Variants in RAB28 observed in about 807,000 individuals in gnomAD.
RAB28 encodes the protein ras-related protein Rab-28.
Under a neutral mutation model 31.7 loss-of-function variants are expected in RAB28, and 24 were observed. The observed-to-expected ratio is 0.76, with a 90% confidence interval of 0.55 to 1.06. The LOEUF is 1.06. RAB28 is among the 50% of genes least tolerant of loss of function. The probability of loss-of-function intolerance (pLI) is 0.00; values close to 1 mark genes in which losing one functional copy is unlikely to be tolerated. For synonymous variants in RAB28, 100 were observed against 90.4 expected, an observed-to-expected ratio of 1.11 and a Z score of -0.60; for missense variants, 254 against 258.5, an observed-to-expected ratio of 0.98 and a Z score of 0.12.
At chr4:13,408,984 T>C (rs1462732114) in intron 4 of RAB28, among the ~76,000 whole-genome samples, 1 of 152,216 alleles carries the variant, frequency 6.6e-6, no homozygotes, top group East Asian at 1.9e-4. Context: ...ATGAAGTTAT[T>C]CCACAAATAT....
At chr4:13,385,569 A>C (rs1729332606) in intron 4 of RAB28, among the ~76,000 whole-genome samples, 1 of 152,230 alleles carries the variant, frequency 6.6e-6, no homozygotes, top group Non-Finnish European at 1.5e-5. Context: ...ATTCCAGCCC[A>C]GAATTTCATA....
chr4:13,411,192 T>A (rs781572910), intron 4 of RAB28, among the ~76,000 whole-genome samples: 2 of 152,078 alleles, frequency 1.3e-5, no homozygotes, highest in Non-Finnish European at 2.9e-5. Flanking sequence ...CTATAGGTTA[T>A]AAGGAGAAAA....
At chr4:13,435,796 C>T (rs1350502205) in intron 4 of RAB28, among the ~76,000 whole-genome samples, 3 of 152,088 alleles carry the variant, frequency 2.0e-5, no homozygotes, top group African/African-American at 4.8e-5. Context: ...ACTAGACATA[C>T]AAAGAAGAGC....
intron 5 of RAB28, among the ~76,000 whole-genome samples, chr4:13,380,208 T>C (rs1260642480): frequency 6.6e-6 from 1 of 152,102 alleles, no homozygotes; most frequent in Non-Finnish European, 1.5e-5. Flanking sequence ...GGAGGCCAAA[T>C]TTTTTAATGG....
intron 4 of RAB28, among the ~76,000 whole-genome samples, chr4:13,457,633 C>CT (rs1715369224): frequency 6.6e-6 from 1 of 151,802 alleles, no homozygotes; most frequent in Non-Finnish European, 1.5e-5. Flanking sequence ...AACCTCTTGT[C>CT]TTTTATGCTA....
intron 4 of RAB28, among the ~76,000 whole-genome samples, chr4:13,410,986 G>A (rs371076943): frequency 1.8e-4 from 28 of 151,866 alleles, no homozygotes; most frequent in African/African-American, 6.3e-4. Context: ...TTTTAAAGAC[G>A]GATAAAAGCC....
intron 4 of RAB28, among the ~76,000 whole-genome samples, chr4:13,441,805 C>T (rs901755310): frequency 6.6e-5 from 10 of 152,132 alleles, no homozygotes; most frequent in African/African-American, 2.4e-4. Context: ...TAACCTTTAG[C>T]TGGAGCAGTG....
chr4:13,375,677 G>C lies in RAB28; in HGVS notation c.573+868C>G, dbSNP rs373062990. 1.8e-4 allele frequency among the ~76,000 whole-genome samples: 28 copies of C among 152,108 alleles called. 1 individual carries two copies. In the East Asian group the frequency reaches 5.0e-3, roughly 27 times the overall value. Reference sequence around the variant, plus strand: ...CTTTGAATGATGGGAATTAAAACTAGCAAACTTTTAGAGTTTCAAATGTTT... The same window carrying C: ...CTTTGAATGATGGGAATTAAAACTACCAAACTTTTAGAGTTTCAAATGTTT... On this transcript the variant is annotated intron_variant, in intron 6 of 6. Coordinates refer to ENST00000330852, the MANE Select transcript of RAB28 (RefSeq NM_001017979.3).
intron 3 of RAB28, 42 bp downstream of exon 3, chr4:13,474,276 G>C (rs775153540): frequency 1.6e-6 from 2 of 1,270,300 alleles, no homozygotes; most frequent in Non-Finnish European, 2.3e-6. Flanking sequence ...GCTTGTAAGT[G>C]GTATACTTTC....
In RAB28 at chr4:13,474,401, A is replaced by C. The variant is rs1274415452; in HGVS notation, c.178T>G (p.Leu60Val). 6.4e-7 allele frequency: 1 copy of C among 1,555,346 alleles called. No homozygotes were observed. The highest frequency in any genetic ancestry group is 8.8e-7 in the Non-Finnish European group (1 of 1,140,390). The change falls in exon 3 of 7, where the codon TTG becomes GTG. Residue 60 changes from leucine (L) to valine (V), a missense_variant. Leu to Val is a conservative substitution (Grantham distance 32). Transcript: ENST00000330852. ...TCCCAAATTTGAAGGGTAACATTCA[A>C]GTTTCCTAGAATATAAAAAATGAAT... ...FLRRITLPGN[L>V]NVTLQIWDIG...
intron 4 of RAB28, among the ~76,000 whole-genome samples, chr4:13,399,533 C>G (rs1711625611): frequency 6.6e-6 from 1 of 152,084 alleles, no homozygotes; most frequent in African/African-American, 2.4e-5. Flanking sequence ...AGTAGCTGTA[C>G]CAATTTATAA....
chr4:13,454,750 T>C (rs140342186), intron 4 of RAB28, among the ~76,000 whole-genome samples: 1 of 152,282 alleles, frequency 6.6e-6, no homozygotes, highest in Non-Finnish European at 1.5e-5. Flanking sequence ...TAGGGTCTGG[T>C]TTGCAGTCTG....
intron 4 of RAB28, among the ~76,000 whole-genome samples, chr4:13,420,287 G>A (rs924853989): frequency 2.6e-5 from 4 of 151,968 alleles, no homozygotes; most frequent in African/African-American, 7.2e-5. Flanking sequence ...CCAAAAAAAG[G>A]CCAGGACCAG....
chr4:13,417,920 G>A (rs1170835168), intron 4 of RAB28, among the ~76,000 whole-genome samples: 2 of 152,198 alleles, frequency 1.3e-5, no homozygotes, highest in Non-Finnish European at 2.9e-5. Context: ...GACAGAAGCA[G>A]GCTTCAGAAG....
At chr4:13,484,043 G>C in intron 1 of RAB28, 33 bp downstream of exon 1, 2 of 1,565,746 alleles carry the variant, frequency 1.3e-6, no homozygotes, top group Admixed American at 1.8e-5. Flanking sequence ...GGTTCCTGCA[G>C]GCCTGGGACG....
At position 13,458,392 on chromosome 4, in the gene RAB28, C is replaced by T. The variant is rs1000581293; in HGVS notation, c.391+2307G>A. Among the ~76,000 whole-genome samples, 5 of 151,292 alleles carry T rather than the reference C, an allele frequency of 3.3e-5. No individual in the cohort carries two copies. In the East Asian group the frequency reaches 5.8e-4, roughly 18 times the overall value. On this transcript the variant is annotated intron_variant, in intron 4 of 6. Coordinates refer to ENST00000330852, the MANE Select transcript of RAB28 (RefSeq NM_001017979.3). ...TGGTTTGGTCTTTCAGGAAGCACTG[C>T]TTCCTAAACAATTACAGAGAAAAAA... is the stretch of plus-strand genomic sequence containing the variant.
At chr4:13,482,700 C>G (rs866332187) in intron 1 of RAB28, among the ~76,000 whole-genome samples, 5 of 152,092 alleles carry the variant, frequency 3.3e-5, no homozygotes, top group African/African-American at 1.2e-4. Context: ...CTTTCTTCCC[C>G]CAACGTTTAA....
At chr4:13,371,890 G>C (rs753342070) in intron 6 of RAB28, 1 of 1,507,062 alleles carries the variant, frequency 6.6e-7, no homozygotes, top group South Asian at 1.2e-5. Flanking sequence ...GAGTTATATG[G>C]GTGAATACAA....
intron 4 of RAB28, among the ~76,000 whole-genome samples, chr4:13,402,428 T>G (rs1323404711): frequency 6.6e-6 from 1 of 152,254 alleles, no homozygotes; most frequent in Admixed American, 6.5e-5. Flanking sequence ...CAAGTTCTGC[T>G]GCGTTTATAT....
Sources: allele counts gnomAD v4.1 joint callset (sites outside exome capture counted in the v4.1 genomes callset), GRCh38; gene constraint gnomAD v4.1.1; transcripts MANE v1.5; gene names NCBI Gene and HGNC (gene_info 2026-07-23, HGNC 2026-07-21).